Variants in MYO16 observed in about 807,000 individuals in gnomAD.
MYO16 encodes the protein unconventional myosin-XVI.
MYO16 carries 94 observed loss-of-function variants against 205.3 expected under a neutral mutation model. The ratio of observed to expected loss-of-function variants is 0.46; its 90% confidence interval spans 0.39 to 0.54. The LOEUF is 0.54. Ranked by LOEUF, MYO16 falls within the 20% of genes least tolerant of loss-of-function variation. The pLI is 0.00. For missense variants in MYO16, 2,315 were observed against 2,387.5 expected, an observed-to-expected ratio of 0.97 and a Z score of 0.63; for synonymous variants, 988 against 954.0, an observed-to-expected ratio of 1.04 and a Z score of -0.66.
In MYO16 at chr13:108,975,470, T is replaced by A. The variant is rs549478302; in HGVS notation, c.2369+10568T>A. ...AGCATAAATAGTAGTTTGCAAGTAA[T>A]TGAGGTCAACTTGGGCAGGTTAAAT... is the stretch of plus-strand genomic sequence containing the variant. On this transcript the variant is annotated intron_variant, in intron 20 of 34. Transcript: ENST00000457511. Among the ~76,000 whole-genome samples, 9 of 152,308 alleles carry A rather than the reference T, an allele frequency of 5.9e-5. No homozygotes were observed. The South Asian group carries it at 1.2e-3, about 21-fold the overall frequency.
chr13:108,832,040 G>T (rs982931526), intron 9 of MYO16, among the ~76,000 whole-genome samples: 3 of 151,924 alleles, frequency 2.0e-5, no homozygotes, highest in East Asian at 3.9e-4. Context: ...TCATGCTCTT[G>T]GGGTATCTTG....
intron 1 of MYO16, among the ~76,000 whole-genome samples, chr13:108,606,062 C>T (rs1449745774): frequency 6.6e-6 from 1 of 152,168 alleles, no homozygotes; most frequent in South Asian, 2.1e-4. Context: ...TGGCATTTTT[C>T]CCCTGCCCTA....
chr13:108,609,481 A>G lies in MYO16; in HGVS notation c.-39+13242A>G, dbSNP rs538382149. Among the ~76,000 whole-genome samples the G allele has an allele frequency of 2.6e-5, 4 of 152,284 alleles. No homozygotes were observed. In the South Asian group the frequency reaches 8.3e-4, roughly 32 times the overall value. On this transcript the variant is annotated intron_variant, in intron 1 of 24. Coordinates refer to the MYO16 transcript ENST00000251041. ...CCCCAAACAGGTGCTCAATGCTATC[A>G]GCCAAGTGAATGAATGAAGGAACAA...
chr13:108,754,320 A>G (rs1218011657), intron 4 of MYO16, among the ~76,000 whole-genome samples: 1 of 152,244 alleles, frequency 6.6e-6, no homozygotes, highest in Non-Finnish European at 1.5e-5. Context: ...AAGCTGTAGC[A>G]TGCAGAACAA....
chr13:108,735,646 G>T (rs1884671728), intron 4 of MYO16, among the ~76,000 whole-genome samples: 2 of 150,744 alleles, frequency 1.3e-5, no homozygotes. Context: ...ATAGTCCTTT[G>T]GGTATATACC....
intron 11 of MYO16, among the ~76,000 whole-genome samples, chr13:108,857,311 A>T (rs2139105403): frequency 6.6e-6 from 1 of 152,346 alleles, no homozygotes; most frequent in East Asian, 1.9e-4. Flanking sequence ...GCTGCTCAAA[A>T]GCCAAACACC....
intron 27 of MYO16, among the ~76,000 whole-genome samples, chr13:109,090,711 G>A (rs1044858464): frequency 1.1e-4 from 16 of 152,194 alleles, no homozygotes; most frequent in African/African-American, 3.4e-4. Context: ...AAATGTGCAC[G>A]TGTAGAGAAC....
intron 31 of MYO16, among the ~76,000 whole-genome samples, chr13:109,131,385 C>T: frequency 6.6e-6 from 1 of 152,130 alleles, no homozygotes; most frequent in East Asian, 1.9e-4. Context: ...GGTCTTCACC[C>T]AATAAAAATG....
chr13:108,980,300 A>G (rs1342907462), intron 20 of MYO16, among the ~76,000 whole-genome samples: 2 of 152,210 alleles, frequency 1.3e-5, no homozygotes, highest in Non-Finnish European at 2.9e-5. Flanking sequence ...TGTATATTTT[A>G]TATAAAGGAA....
In MYO16 at chr13:108,902,272, A is replaced by G. The variant is rs78235636; in HGVS notation, c.1777+4139A>G. The stretch of plus-strand genomic sequence containing the variant: ...GTGTCTAAGCAAGAGGAAGGGGCAG[A>G]CACCAGCTGGACCAGATAATTTTAC... On this transcript the variant is annotated intron_variant, in intron 15 of 34. Transcript: ENST00000457511. Among the ~76,000 whole-genome samples, 1,191 of 152,304 alleles carry G rather than the reference A, an allele frequency of 7.8e-3. 13 individuals are homozygous for G. The highest frequency in any genetic ancestry group is 0.028 in the African/African-American group (1,147 of 41,570).
chr13:108,987,366 C>G (rs1158655981), intron 20 of MYO16, among the ~76,000 whole-genome samples: 2 of 152,130 alleles, frequency 1.3e-5, no homozygotes, highest in Admixed American at 1.3e-4. Flanking sequence ...GTATGCAATC[C>G]TAGAGTCCCA....
At chr13:108,734,362 A>G (rs1566577644) in intron 4 of MYO16, among the ~76,000 whole-genome samples, 2 of 152,204 alleles carry the variant, frequency 1.3e-5, no homozygotes, top group African/African-American at 4.8e-5. Context: ...CTTCTCTAGA[A>G]AAATTGATAT....
In MYO16 at chr13:108,844,382, G is replaced by T. The variant is rs781071512; in HGVS notation, c.1137G>T (p.Leu379Phe). The change falls in exon 10 of 35, where the codon TTG (leucine) becomes TTT (phenylalanine). Residue 379 changes from leucine to phenylalanine, a missense_variant. Around this residue, in one of 3 missense-constraint regions of MYO16, gnomAD observed 1,213 missense variants for 1,274.4 expected, o/e 0.95. Transcript: ENST00000457511. ...LVLPIAKQDS[L>F]LEKDIMFKDA... ...TACCAATTGCCAAGCAAGACAGTTT[G>T]TTGGAAAAAGACATTATGTTCAAAG... 6.2e-7 allele frequency: 1 copy of T among 1,613,370 alleles called. No homozygotes were observed. Among genetic ancestry groups the T allele is most frequent in the Non-Finnish European group, 8.5e-7 (1 of 1,179,542 alleles).
intron 16 of MYO16, among the ~76,000 whole-genome samples, chr13:108,919,889 T>C (rs943503152): frequency 6.6e-6 from 1 of 152,250 alleles, no homozygotes; most frequent in Non-Finnish European, 1.5e-5. Context: ...CTAAACTTGA[T>C]TGATGTAAGT....
rs150115208 is a variant in MYO16, at chr13:108,742,030, G to T, written c.507+14447G>T. Among the ~76,000 whole-genome samples, 966 of 152,128 alleles carry T rather than the reference G, an allele frequency of 6.3e-3. 4 individuals are homozygous for T. Among genetic ancestry groups the T allele is most frequent in the Middle Eastern group, 0.034 (10 of 294 alleles). ...TGTTTTTGAGACAGAATCTTACTTTGTTGCTAAGCTGGAGTGCAGTAGCAT... is the reference window on the plus strand; with the variant it reads ...TGTTTTTGAGACAGAATCTTACTTTTTTGCTAAGCTGGAGTGCAGTAGCAT... On this transcript the variant is annotated intron_variant, in intron 4 of 34. Transcript: ENST00000457511.
intron 16 of MYO16, among the ~76,000 whole-genome samples, chr13:108,919,003 T>C (rs1881624814): frequency 6.6e-6 from 1 of 150,998 alleles, no homozygotes; most frequent in African/African-American, 2.4e-5. Context: ...TGTTTTGACA[T>C]AAAAACCTGA....
intron 22 of MYO16, among the ~76,000 whole-genome samples, chr13:109,012,779 G>GTATATATATATATA (rs113007743): frequency 3.1e-4 from 46 of 146,658 alleles, no homozygotes; most frequent in African/African-American, 1.1e-3. Flanking sequence ...ATGTGTGTGT[G>GTATATATATATATA]TATATATATA....
intron 4 of MYO16, among the ~76,000 whole-genome samples, chr13:108,732,653 A>T (rs959956637): frequency 1.1e-4 from 17 of 152,304 alleles, no homozygotes; most frequent in African/African-American, 3.1e-4. Flanking sequence ...ATCTGCTTTC[A>T]ACTAGGTGAT....
intron 12 of MYO16, among the ~76,000 whole-genome samples, chr13:108,873,961 A>C (rs1393846888): frequency 6.6e-6 from 1 of 152,256 alleles, no homozygotes; most frequent in Admixed American, 6.5e-5. Context: ...TAAAATCAGA[A>C]ACAAAAATGC....
Sources: allele counts gnomAD v4.1 joint callset (sites outside exome capture counted in the v4.1 genomes callset), GRCh38; gene constraint gnomAD v4.1.1; regional missense constraint gnomAD v4.1.1; transcripts MANE v1.5; gene names NCBI Gene and HGNC (gene_info 2026-07-23, HGNC 2026-07-21).